Variants in CCDC85A observed in about 807,000 individuals in gnomAD.
CCDC85A encodes coiled-coil domain containing 85A.
A neutral mutation model predicts 50.2 loss-of-function variants in CCDC85A; 38 were observed. The observed-to-expected ratio is 0.76, with a 90% CI of 0.58 to 0.99. CCDC85A has a LOEUF of 0.99. Among genes scored for constraint, CCDC85A ranks in the 50% least tolerant of loss-of-function variants. The pLI, the probability that CCDC85A is intolerant of heterozygous loss-of-function variation, is 0.00. For missense variants in CCDC85A, 820 were observed against 742.0 expected (o/e 1.11, Z -1.22); for synonymous variants, 366 against 301.4 (o/e 1.21, Z -2.22).
At chr2:56,286,141 A>G (rs1327909126) in intron 2 of CCDC85A, among the ~76,000 whole-genome samples, 1 of 151,780 alleles carries the variant, frequency 6.6e-6, no homozygotes, top group Admixed American at 6.6e-5. Context: ...GGCTGCTTGT[A>G]TGATTTTTTT....
At chr2:56,364,061 A>AT (rs1304589822) in intron 3 of CCDC85A, among the ~76,000 whole-genome samples, 3 of 152,226 alleles carry the variant, frequency 2.0e-5, no homozygotes, top group Non-Finnish European at 4.4e-5. Context: ...TCTATAGTTA[A>AT]TAAAAGTCAA....
intron 5 of CCDC85A, among the ~76,000 whole-genome samples, chr2:56,380,641 T>A (rs1020116571): frequency 6.6e-6 from 1 of 151,352 alleles, no homozygotes; most frequent in Non-Finnish European, 1.5e-5. Flanking sequence ...AATAAATAAA[T>A]AAATAAATAA....
chr2:56,349,234 C>T (rs1268114949), intron 3 of CCDC85A, among the ~76,000 whole-genome samples: 4 of 152,128 alleles, frequency 2.6e-5, no homozygotes, highest in Non-Finnish European at 5.9e-5. Context: ...AAAAAATGGA[C>T]TCTACCAAAT....
At chr2:56,203,198 A>T (rs900893460) in intron 2 of CCDC85A, among the ~76,000 whole-genome samples, 4 of 152,172 alleles carry the variant, frequency 2.6e-5, no homozygotes, top group African/African-American at 9.7e-5. Flanking sequence ...ACATATGAGG[A>T]CACTTATGAA....
rs76188903 is a variant in CCDC85A at position 56,315,129 on chromosome 2, C to G, written c.1241-27750C>G. ...TTTTCGCCACTGGGAATGTGTTTTC[C>G]TCTTTCAAAACAACTCATTTACAAA... On this transcript the variant is annotated intron_variant, in intron 2 of 5. Coordinates refer to ENST00000407595, the MANE Select transcript of CCDC85A (RefSeq NM_001080433.2). Among the ~76,000 whole-genome samples, 693 of 152,290 alleles carry G rather than the reference C, an allele frequency of 4.6e-3. 6 individuals carry two copies. Among genetic ancestry groups the G allele is most frequent in the African/African-American group, 0.015 (631 of 41,576 alleles).
intron 2 of CCDC85A, among the ~76,000 whole-genome samples, chr2:56,238,415 TA>T (rs34764564): frequency 0.22 from 26,999 of 124,518 alleles, 2,532 homozygotes; most frequent in East Asian, 0.31. Context: ...ACATTCTGTC[TA>T]AAAAAAAAAA....
intron 3 of CCDC85A, among the ~76,000 whole-genome samples, chr2:56,354,381 A>G (rs1240955629): frequency 6.6e-6 from 1 of 152,252 alleles, no homozygotes; most frequent in Non-Finnish European, 1.5e-5. Context: ...GAGAAGCTGC[A>G]TATAAATCAA....
At chr2:56,349,157 G>T (rs1674776471) in intron 3 of CCDC85A, among the ~76,000 whole-genome samples, 1 of 152,098 alleles carries the variant, frequency 6.6e-6, no homozygotes, top group Non-Finnish European at 1.5e-5. Context: ...GTAGAATCTG[G>T]ATGTTACTGA....
intron 2 of CCDC85A, among the ~76,000 whole-genome samples, chr2:56,252,444 G>T (rs1669804533): frequency 6.6e-6 from 1 of 152,148 alleles, no homozygotes; most frequent in Admixed American, 6.5e-5. Flanking sequence ...TCTCATGGGG[G>T]TGTGTCAGAT....
chr2:56,185,909 GC>G (rs917431520), intron 1 of CCDC85A: 1 of 152,308 alleles, frequency 6.6e-6, no homozygotes, highest in African/African-American at 2.4e-5. Context: ...CGAAATCACT[GC>G]AGGGACTTCA....
At chr2:56,212,190 T>C (rs893659397) in intron 2 of CCDC85A, among the ~76,000 whole-genome samples, 1 of 152,066 alleles carries the variant, frequency 6.6e-6, no homozygotes, top group African/African-American at 2.4e-5. Context: ...GTCATTTTCA[T>C]TGTGTGGTAA....
chr2:56,186,401 A>G lies in CCDC85A; in HGVS notation c.276+1501A>G, dbSNP rs114157453. ...TATTCACCAATACAATGCAATGATA[A>G]TAACTTTCTGAGGGTGTTATGGCAA... On this transcript the variant is annotated intron_variant, in intron 1 of 5. Transcript: ENST00000407595. Among the ~76,000 whole-genome samples, 769 of 152,334 alleles carry G rather than the reference A, an allele frequency of 5.0e-3. 3 individuals are homozygous for G. The highest frequency in any genetic ancestry group is 0.017 in the Middle Eastern group (5 of 294).
intron 2 of CCDC85A, among the ~76,000 whole-genome samples, chr2:56,255,563 C>G (rs182186492): frequency 6.6e-6 from 1 of 152,228 alleles, no homozygotes; most frequent in African/African-American, 2.4e-5. Context: ...TGGGAGTTTT[C>G]ACAGCCAGGA....
intron 5 of CCDC85A, chr2:56,383,558 T>C: frequency 1.0e-6 from 1 of 983,628 alleles, no homozygotes; most frequent in South Asian, 4.7e-5. Context: ...TTGTATCTCT[T>C]TCAGTGATTC....
At position 56,193,448 on chromosome 2, in the gene CCDC85A, A is replaced by C. The variant is rs767051265; in HGVS notation, c.1240+8A>C. On this transcript the variant is annotated splice_region_variant and intron_variant, in intron 2 of 5. Transcript: ENST00000407595. Reference sequence around the variant, plus strand: ...TCTACAGTGGCATGAACGGTGGGTCAGTATGTGCTGGGGTGCTGCTTGGGC... The same window carrying C: ...TCTACAGTGGCATGAACGGTGGGTCCGTATGTGCTGGGGTGCTGCTTGGGC... 6.3e-7 allele frequency: 1 copy of C among 1,591,820 alleles called. No individual in the cohort carries two copies. Among genetic ancestry groups the C allele is most frequent in the Non-Finnish European group, 8.6e-7 (1 of 1,169,534 alleles).
intron 2 of CCDC85A, among the ~76,000 whole-genome samples, chr2:56,204,502 T>A (rs1179606149): frequency 6.6e-6 from 1 of 152,160 alleles, no homozygotes; most frequent in Non-Finnish European, 1.5e-5. Context: ...AGGTTTTGGG[T>A]GAGGAAGCCG....
At chr2:56,291,561 C>T (rs1314928611) in intron 2 of CCDC85A, among the ~76,000 whole-genome samples, 2 of 152,016 alleles carry the variant, frequency 1.3e-5, no homozygotes, top group African/African-American at 4.8e-5. Flanking sequence ...GATACTGTTC[C>T]CTTGAAAATT....
chr2:56,335,220 C>G (rs1674012260), intron 2 of CCDC85A, among the ~76,000 whole-genome samples: 1 of 152,096 alleles, frequency 6.6e-6, no homozygotes, highest in Admixed American at 6.5e-5. Flanking sequence ...AAGAAAAACA[C>G]TTTGTTCAGA....
chr2:56,283,684 T>C (rs1671302941), intron 2 of CCDC85A, among the ~76,000 whole-genome samples: 1 of 152,148 alleles, frequency 6.6e-6, no homozygotes, highest in Admixed American at 6.5e-5. Flanking sequence ...TTCATTTACA[T>C]TAGTAAAATT....
Sources: gnomAD v4.1 joint callset for allele counts (sites outside exome capture counted in the v4.1 genomes callset) on GRCh38, gnomAD v4.1.1 for gene constraint, MANE v1.5 for transcripts, NCBI Gene and HGNC (gene_info 2026-07-23, HGNC 2026-07-21) for gene names.